C10orf90: variants seen among roughly 807,000 people sequenced by gnomAD.
C10orf90 encodes chromosome 10 open reading frame 90.
C10orf90 carries 56 observed loss-of-function variants against 62.5 expected under a neutral mutation model. That is an observed-to-expected ratio of 0.90 (90% CI 0.72 to 1.12). The LOEUF (loss-of-function observed/expected upper bound fraction) is 1.12. C10orf90 is among the 50% of genes most tolerant of loss of function. C10orf90 has a pLI of 0.00. For missense variants in C10orf90, 970 were observed against 880.4 expected (o/e 1.10, Z -1.29); for synonymous variants, 386 against 340.4 (o/e 1.13, Z -1.47).
chr10:126,624,431 T>C (rs1845704772), intron 2 of C10orf90, among the ~76,000 whole-genome samples: 1 of 152,146 alleles, frequency 6.6e-6, no homozygotes, highest in Admixed American at 6.5e-5. Context: ...CATGGCCCTT[T>C]TTGTGTGTCA....
At chr10:126,619,788 C>T (rs1336039338) in intron 2 of C10orf90, among the ~76,000 whole-genome samples, 1 of 152,136 alleles carries the variant, frequency 6.6e-6, no homozygotes, top group Admixed American at 6.6e-5. Flanking sequence ...TACAGGTGCA[C>T]ACCACCATGC....
chr10:126,548,300 T>G (rs986007627), intron 2 of C10orf90, among the ~76,000 whole-genome samples: 2 of 152,142 alleles, frequency 1.3e-5, no homozygotes, highest in South Asian at 2.1e-4. Context: ...CCCAGGACTT[T>G]GGAATGCTGA....
At chr10:126,596,830 C>CT (rs1845096409) in intron 2 of C10orf90, among the ~76,000 whole-genome samples, 2 of 152,174 alleles carry the variant, frequency 1.3e-5, no homozygotes, top group South Asian at 4.1e-4. Context: ...AAGTTGGGGA[C>CT]TGTCTGTATA....
intron 2 of C10orf90, among the ~76,000 whole-genome samples, chr10:126,576,680 T>G (rs1259887308): frequency 0.074 from 3,129 of 42,096 alleles, 842 homozygotes; most frequent in Middle Eastern, 0.2. Flanking sequence ...TATGTATACA[T>G]ATACATATAC....
At chr10:126,481,457 C>T (rs1342878458) in intron 4 of C10orf90, among the ~76,000 whole-genome samples, 1 of 152,260 alleles carries the variant, frequency 6.6e-6, no homozygotes, top group East Asian at 1.9e-4. Context: ...AAGTGACTCA[C>T]ATCATTTAAC....
intron 4 of C10orf90, among the ~76,000 whole-genome samples, chr10:126,479,522 G>T (rs1043616036): frequency 6.6e-6 from 1 of 152,178 alleles, no homozygotes; most frequent in Non-Finnish European, 1.5e-5. Flanking sequence ...GGCCCTGATT[G>T]TTCAATCCCA....
chr10:126,511,630 G>A (rs1863114318), intron 3 of C10orf90, among the ~76,000 whole-genome samples: 1 of 151,058 alleles, frequency 6.6e-6, no homozygotes, highest in African/African-American at 2.4e-5. Flanking sequence ...CTTATATTCT[G>A]CAGAAATTAA....
At chr10:126,658,689 G>A (rs75482972) in intron 1 of C10orf90, among the ~76,000 whole-genome samples, 25,155 of 152,130 alleles carry the variant, frequency 0.17, 2,250 homozygotes, top group South Asian at 0.24. Flanking sequence ...CAAGAGACAG[G>A]CTACAGAATA....
At chr10:126,580,791 T>G (rs1844733435) in intron 2 of C10orf90, among the ~76,000 whole-genome samples, 1 of 152,026 alleles carries the variant, frequency 6.6e-6, no homozygotes, top group Admixed American at 6.6e-5. Flanking sequence ...TGTCTATGTG[T>G]GGTGTGTGTG....
Position 126,576,719 on chromosome 10 carries a change from G to GAAAATGGA in C10orf90, c.314-62781_314-62780insTCCATTTT, listed in dbSNP as rs1564879157. On this transcript the variant is annotated intron_variant, in intron 2 of 9. Transcript: ENST00000488181. ...TATATGTATATGTATATATATACAA[G>GAAAATGGA]ATATACATATATATGTATATGTATA... Among the ~76,000 whole-genome samples, 10 of 39,892 alleles carry GAAAATGGA rather than the reference G, an allele frequency of 2.5e-4. 2 individuals are homozygous for GAAAATGGA. The South Asian group carries it at 4.0e-3, about 16-fold the overall frequency. 26.2% of individuals were successfully genotyped at this position (39,892 alleles called of 152,430 possible).
At chr10:126,547,498 GAAA>G (rs34204650) in intron 2 of C10orf90, among the ~76,000 whole-genome samples, 1 of 114,206 alleles carries the variant, frequency 8.8e-6, no homozygotes. Flanking sequence ...TTAACTGAGT[GAAA>G]AAAAAAAAAA....
chr10:126,608,527 G>T (rs772589119), intron 2 of C10orf90, among the ~76,000 whole-genome samples: 4 of 152,292 alleles, frequency 2.6e-5, no homozygotes, highest in Non-Finnish European at 5.9e-5. Context: ...ACTCGTTTTG[G>T]TGTAGTATCA....
At chr10:126,469,241 G>T (rs1262397140) in intron 4 of C10orf90, among the ~76,000 whole-genome samples, 1 of 152,200 alleles carries the variant, frequency 6.6e-6, no homozygotes, top group African/African-American at 2.4e-5. Context: ...TTTATATCCA[G>T]ATTAGTTTAA....
At chr10:126,596,498 T>C (rs974659452) in intron 2 of C10orf90, among the ~76,000 whole-genome samples, 3 of 152,166 alleles carry the variant, frequency 2.0e-5, no homozygotes, top group African/African-American at 7.2e-5. Flanking sequence ...ATGATGGGGT[T>C]ACATCCTGAC....
At chr10:126,433,663 G>T (rs1388740397) in intron 7 of C10orf90, among the ~76,000 whole-genome samples, 6 of 152,070 alleles carry the variant, frequency 3.9e-5, no homozygotes, top group African/African-American at 1.4e-4. Context: ...ATGACCCACA[G>T]GGATTTCACT....
At chr10:126,649,079 C>CA (rs1395753559) in intron 1 of C10orf90, among the ~76,000 whole-genome samples, 3 of 108,722 alleles carry the variant, frequency 2.8e-5, no homozygotes, top group Non-Finnish European at 3.7e-5. Flanking sequence ...TCTCCCCCCC[C>CA]CCCAGCAATT....
chr10:126,634,014 T>G (rs534627655), intron 2 of C10orf90, among the ~76,000 whole-genome samples: 1 of 152,316 alleles, frequency 6.6e-6, no homozygotes, highest in South Asian at 2.1e-4. Flanking sequence ...AATTGGAACC[T>G]TTGCACACTG....
intron 4 of C10orf90, among the ~76,000 whole-genome samples, chr10:126,486,583 G>A (rs955129005): frequency 2.0e-4 from 30 of 152,162 alleles, no homozygotes; most frequent in Admixed American, 1.5e-3. Flanking sequence ...AAACTAATAT[G>A]TTTAAAGGCA....
chr10:126,464,939 C>A lies in C10orf90; in HGVS notation c.1582G>T (p.Val528Leu), dbSNP rs977962064. Residue 528 changes from valine to leucine, a missense_variant, in exon 5 of 10, where the codon GTA becomes TTA. Val to Leu is a conservative substitution (Grantham distance 32, BLOSUM62 1). Coordinates refer to ENST00000488181, the MANE Select transcript of C10orf90 (RefSeq NM_001350921.2). ...SGSSKRQQGE[V>L]CMTVSAPPVE... ...GGAGGAGCAGACACAGTCATACATACTTCTCCTTGTTGCCTCTTGCTGCTT... is the reference window on the plus strand; with the variant it reads ...GGAGGAGCAGACACAGTCATACATAATTCTCCTTGTTGCCTCTTGCTGCTT... 6.3e-7 allele frequency: 1 copy of A among 1,598,590 alleles called. No individual in the cohort carries two copies. The highest frequency in any genetic ancestry group is 1.3e-5 in the African/African-American group (1 of 74,788).
Sources: allele counts gnomAD v4.1 joint callset (sites outside exome capture counted in the v4.1 genomes callset), GRCh38; gene constraint gnomAD v4.1.1; transcripts MANE v1.5; gene names NCBI Gene and HGNC (gene_info 2026-07-23, HGNC 2026-07-21).